Variants in TEK observed in about 807,000 individuals in gnomAD.
The protein encoded by TEK is angiopoietin-1 receptor.
Under a neutral mutation model 131.8 loss-of-function variants are expected in TEK, and 43 were observed. The observed-to-expected ratio is 0.33, with a 90% CI of 0.26 to 0.42. TEK has a LOEUF of 0.42. Among genes scored for constraint, TEK ranks in the 10% least tolerant of loss-of-function variants. TEK has a pLI of 1.00. For missense variants in TEK, 1,162 were observed against 1,384.4 expected, an observed-to-expected ratio of 0.84 and a Z score of 2.55; for synonymous variants, 580 against 491.6, an observed-to-expected ratio of 1.18 and a Z score of -2.38.
chr9:27,160,796 C>T (rs550120049), intron 2 of TEK, among the ~76,000 whole-genome samples: 1 of 152,240 alleles, frequency 6.6e-6, no homozygotes, highest in South Asian at 2.1e-4. Flanking sequence ...GAAAAGTGCA[C>T]AACAGAAATT....
At chr9:27,227,639 T>G (rs761589196) in intron 21 of TEK, among the ~76,000 whole-genome samples, 11 of 152,120 alleles carry the variant, frequency 7.2e-5, no homozygotes, top group Non-Finnish European at 1.0e-4. Context: ...AGGCCTTTTG[T>G]GTAAGAGCAC....
At chr9:27,148,393 T>G (rs1209256391) in intron 1 of TEK, among the ~76,000 whole-genome samples, 6 of 152,240 alleles carry the variant, frequency 3.9e-5, no homozygotes. Context: ...CAAAACATAA[T>G]GGTAAAACAG....
At position 27,212,843 on chromosome 9, in the gene TEK, C is replaced by T; in HGVS notation, c.2823C>T (p.Leu941=). 1 of 1,614,168 alleles carries T rather than the reference C, an allele frequency of 6.2e-7. No homozygotes were observed. Among genetic ancestry groups the T allele is most frequent in the Non-Finnish European group, 8.5e-7 (1 of 1,180,008 alleles). Residue 941 remains leucine (L), a synonymous_variant, in exon 17 of 23, where the codon CTC becomes CTT. Coordinates refer to ENST00000380036, the MANE Select transcript of TEK (RefSeq NM_000459.5). ...STASTLSSQQ[L]LHFAADVARG... ...CGTCCACACTGTCCTCCCAGCAGCTCCTTCACTTCGCTGCCGACGTGGCCC... is the reference window on the plus strand; with the variant it reads ...CGTCCACACTGTCCTCCCAGCAGCTTCTTCACTTCGCTGCCGACGTGGCCC...
intron 1 of TEK, among the ~76,000 whole-genome samples, chr9:27,131,850 T>G (rs1173268073): frequency 6.6e-6 from 1 of 152,022 alleles, no homozygotes; most frequent in Non-Finnish European, 1.5e-5. Context: ...TATGTTTGTT[T>G]CTGTAGTTTC....
intron 1 of TEK, among the ~76,000 whole-genome samples, chr9:27,116,449 C>T (rs1350208440): frequency 2.0e-5 from 3 of 152,132 alleles, no homozygotes; most frequent in Non-Finnish European, 4.4e-5. Flanking sequence ...CCACCACACC[C>T]GGCTAATTTT....
chr9:27,213,863 T>C (rs1825721018), intron 18 of TEK, among the ~76,000 whole-genome samples: 1 of 152,238 alleles, frequency 6.6e-6, no homozygotes, highest in Admixed American at 6.5e-5. Context: ...GGGTCTTGGT[T>C]CTATCCAGTC....
intron 11 of TEK, among the ~76,000 whole-genome samples, chr9:27,195,138 G>A (rs1327132066): frequency 6.6e-6 from 1 of 152,114 alleles, no homozygotes; most frequent in Non-Finnish European, 1.5e-5. Flanking sequence ...TTAACAAGAG[G>A]AGATGGCATC....
At position 27,190,585 on chromosome 9, in the gene TEK, G is replaced by C. The variant is rs1227294393; in HGVS notation, c.1384G>C (p.Val462Leu). 1 of 1,613,922 alleles carries C rather than the reference G, an allele frequency of 6.2e-7. No individual in the cohort carries two copies. Among genetic ancestry groups the C allele is most frequent in the Non-Finnish European group, 8.5e-7 (1 of 1,179,938 alleles). The change falls in exon 10 of 23, where the codon GTC (valine) becomes CTC (leucine). Residue 462 changes from valine (V) to leucine (L), a missense_variant. Physicochemically the swap from Val to Leu is conservative, Grantham distance 32. Coordinates refer to ENST00000380036, the MANE Select transcript of TEK (RefSeq NM_000459.5). ...GATTGACACTGGACATAACTTTGCTGTCATCAACATCAGCTCTGAGCCTTA... is the reference window on the plus strand; with the variant it reads ...GATTGACACTGGACATAACTTTGCTCTCATCAACATCAGCTCTGAGCCTTA... ...NVIDTGHNFA[V>L]INISSEPYFG... is the part of the protein sequence containing the mutation.
chr9:27,153,008 A>G (rs1823188091), intron 1 of TEK, among the ~76,000 whole-genome samples: 1 of 152,276 alleles, frequency 6.6e-6, no homozygotes, highest in South Asian at 2.1e-4. Context: ...ATACTGTTCA[A>G]TATAGAACAC....
intron 6 of TEK, among the ~76,000 whole-genome samples, chr9:27,178,258 T>C (rs143200639): frequency 1.3e-5 from 2 of 152,234 alleles, no homozygotes; most frequent in African/African-American, 4.8e-5. Context: ...TTTTGTTGAA[T>C]CTGTTAACTG....
At chr9:27,122,945 TG>T (rs1392521046) in intron 1 of TEK, among the ~76,000 whole-genome samples, 1 of 144,506 alleles carries the variant, frequency 6.9e-6, no homozygotes, top group Non-Finnish European at 1.5e-5. Context: ...CCCAGCTACC[TG>T]GGAGGCTGAG....
chr9:27,217,591 T>A, intron 18 of TEK, 97 bp from the exon 19 acceptor site: 1 of 1,040,068 alleles, frequency 9.6e-7, no homozygotes, highest in Non-Finnish European at 1.5e-6. Flanking sequence ...TTTCTGAGTC[T>A]ACCCAGCAAT....
chr9:27,221,591 G>A (rs1333477703), intron 21 of TEK, among the ~76,000 whole-genome samples: 4 of 152,238 alleles, frequency 2.6e-5, no homozygotes, highest in Admixed American at 6.5e-5. Context: ...TTGCTGTTCT[G>A]CAGCCTCTGC....
In TEK at chr9:27,192,604, C is replaced by T. The variant is rs1197843209; in HGVS notation, c.1605C>T (p.Arg535=). Residue 535 remains arginine, a synonymous_variant, in exon 11 of 23, where the codon CGC becomes CGT. Transcript: ENST00000380036. ...AAGGGCATCCTGGACCTGTGAGACG[C>T]TTCACAACAGCTTCTATCGGTCAGT... ...GGEGHPGPVR[R]FTTASIGLPP... is the part of the protein sequence containing the mutation. 2.5e-6 allele frequency: 4 copies of T among 1,610,670 alleles called. No individual in the cohort carries two copies. The highest frequency in any genetic ancestry group is 3.4e-6 in the Non-Finnish European group (4 of 1,178,160).
chr9:27,134,675 A>G lies in TEK; in HGVS notation c.53-23156A>G, dbSNP rs886863713. Among the ~76,000 whole-genome samples, 18 of 152,182 alleles carry G rather than the reference A, an allele frequency of 1.2e-4. 2 individuals are homozygous for G. The highest frequency in any genetic ancestry group is 1.0e-3 in the Admixed American group (16 of 15,274). On this transcript the variant is annotated intron_variant, in intron 1 of 22. Coordinates refer to ENST00000380036, the MANE Select transcript of TEK (RefSeq NM_000459.5). Reference sequence around the variant, plus strand: ...AAACTTCATTTTCCAGTGTAACCCTAGATGATACATGTATGCCATCCTTAG... The same window carrying G: ...AAACTTCATTTTCCAGTGTAACCCTGGATGATACATGTATGCCATCCTTAG...
intron 18 of TEK, among the ~76,000 whole-genome samples, chr9:27,216,034 A>C (rs1300358166): frequency 6.6e-6 from 1 of 152,184 alleles, no homozygotes; most frequent in Non-Finnish European, 1.5e-5. Flanking sequence ...TGTTTAAGTA[A>C]TTCACTATGG....
rs778556554 is a variant in TEK, at chr9:27,209,109, C to T, written c.2576-12C>T. 10 of 1,596,900 alleles carry T rather than the reference C, an allele frequency of 6.3e-6. No individual in the cohort carries two copies. Among genetic ancestry groups the T allele is most frequent in the African/African-American group, 4.0e-5 (3 of 74,576 alleles). ...AACAAAGAAGAATCACAACCCTTGA[C>T]TTTCTTCCCAGAATATGCCTCCAAA... is the stretch of plus-strand genomic sequence containing the variant. On this transcript the variant is annotated splice_polypyrimidine_tract_variant and intron_variant, in intron 15 of 22. Coordinates refer to ENST00000380036, the MANE Select transcript of TEK (RefSeq NM_000459.5).
Position 27,168,534 on chromosome 9 carries a change from A to T in TEK, c.404A>T (p.Lys135Met). The change falls in exon 3 of 23, where the codon AAG (lysine) becomes ATG (methionine). Residue 135 changes from lysine (K) to methionine (M), a missense_variant. This residue lies in a region of TEK where 436 missense variants were observed against 539.1 expected (regional missense o/e 0.81). Coordinates refer to ENST00000380036, the MANE Select transcript of TEK (RefSeq NM_000459.5). ...LPATLTMTVD[K>M]GDNVNISFKK... is the part of the protein sequence containing the mutation. The stretch of plus-strand genomic sequence containing the variant: ...GCTACTTTAACTATGACTGTGGACA[A>T]GGGAGATAACGTGAACATATCTTTC... The T allele has an allele frequency of 6.2e-7, 1 of 1,613,996 alleles. No individual in the cohort carries two copies. Among genetic ancestry groups the T allele is most frequent in the Non-Finnish European group, 8.5e-7 (1 of 1,179,900 alleles).
intron 21 of TEK, among the ~76,000 whole-genome samples, chr9:27,222,835 T>C (rs986054192): frequency 2.0e-5 from 3 of 152,008 alleles, no homozygotes; most frequent in Non-Finnish European, 4.4e-5. Flanking sequence ...TAGTGCAGCA[T>C]AATGACAGGA....
Sources: gnomAD v4.1 joint callset for allele counts (sites outside exome capture counted in the v4.1 genomes callset) on GRCh38, gnomAD v4.1.1 for gene constraint, gnomAD v4.1.1 regional missense constraint, MANE v1.5 for transcripts, NCBI Gene and HGNC (gene_info 2026-07-23, HGNC 2026-07-21) for gene names.